Variants in SIRT7 observed in about 807,000 individuals in gnomAD.
The protein encoded by SIRT7 is NAD-dependent protein deacetylase sirtuin-7.
Under a neutral mutation model 42.8 loss-of-function variants are expected in SIRT7, and 32 were observed. The ratio of observed to expected loss-of-function variants is 0.75; its 90% confidence interval spans 0.56 to 1.00. The LOEUF is 1.00. Among genes scored for constraint, SIRT7 ranks in the 50% least tolerant of loss-of-function variants. The pLI is 0.00. For missense variants in SIRT7, 553 were observed against 572.2 expected (o/e 0.97, Z 0.34); for synonymous variants, 297 against 245.2 (o/e 1.21, Z -1.97).
Position 81,913,764 on chromosome 17 carries a change from G to A in SIRT7, c.1004+10C>T. 1 of 1,545,568 alleles carries A rather than the reference G, an allele frequency of 6.5e-7. No homozygotes were observed. The highest frequency in any genetic ancestry group is 8.7e-7 in the Non-Finnish European group (1 of 1,144,114). On this transcript the variant is annotated intron_variant, in intron 9 of 9. Transcript: ENST00000328666. The surrounding 1 kb of genome is among the most constrained non-coding windows in gnomAD (Gnocchi z 5.0). ...TGCGGGGAAGCAGGCTGCTGCAGCG[G>A]CTCACTCACCTGCTATAGGCGGGGA...
intron 8 of SIRT7, 65 bp downstream of exon 8, chr17:81,914,022 G>A (rs2040743349): frequency 6.9e-6 from 11 of 1,591,876 alleles, no homozygotes; most frequent in Non-Finnish European, 9.5e-6. Flanking sequence ...CATGGGTGTG[G>A]GGTGTCTCTG....
In SIRT7 at chr17:81,915,660, G is replaced by A. The variant is rs770215946; in HGVS notation, c.358C>T (p.Arg120Trp). The change falls in exon 4 of 10, where the codon CGG becomes TGG. Residue 120 changes from arginine (R) to tryptophan (W), a missense_variant. By Grantham distance (101) the Arg-to-Trp change is moderately radical. Transcript: ENST00000328666. ...AGTGTCCACACTCCATTAGGGCCCCGGTAGTCTGGGATAGACGCTGCCTGC... is the reference window on the plus strand; with the variant it reads ...AGTGTCCACACTCCATTAGGGCCCCAGTAGTCTGGGATAGACGCTGCCTGC... ...ISTAASIPDY[R>W]GPNGVWTLLQ... 5 of 1,613,862 alleles carry A rather than the reference G, an allele frequency of 3.1e-6. No homozygotes were observed. Among genetic ancestry groups the A allele is most frequent in the South Asian group, 1.1e-5 (1 of 91,060 alleles).
Position 81,913,748 on chromosome 17 carries a change from G to A in SIRT7, c.1004+26C>T. 3 of 1,529,112 alleles carry A rather than the reference G, an allele frequency of 2.0e-6. No homozygotes were observed. The highest frequency in any genetic ancestry group is 2.4e-5 in the South Asian group (2 of 83,600). 94.7% of individuals were successfully genotyped at this position (1,529,112 alleles called of 1,614,324 possible). On this transcript the variant is annotated intron_variant, in intron 9 of 9. Transcript: ENST00000328666. This position sits in a 1 kb window ranked among gnomAD's most constrained non-coding sequence, Gnocchi z 5.0. Reference sequence around the variant, plus strand: ...GCCCAGCACACAGAGGTGCGGGGAAGCAGGCTGCTGCAGCGGCTCACTCAC... The same window carrying A: ...GCCCAGCACACAGAGGTGCGGGGAAACAGGCTGCTGCAGCGGCTCACTCAC...
chr17:81,917,785 T>G lies in SIRT7; in HGVS notation c.231+45A>C, dbSNP rs1398172420. 2.1e-6 allele frequency: 3 copies of G among 1,424,648 alleles called. No homozygotes were observed. The African/African-American group carries it at 4.5e-5, about 21-fold the overall frequency. The allele number at this position is 1,424,648 out of a possible 1,614,324, so 88.3% of individuals were successfully genotyped here. ...ACCCGGGACCGCCCGTCGCCCCAGC[T>G]GCTCCCGAAACCGGGGGCGCCCGCG... On this transcript the variant is annotated intron_variant, in intron 2 of 9. Transcript: ENST00000328666.
Position 81,912,019 on chromosome 17 carries a change from G to C in SIRT7, c.*397C>G. On this transcript the variant is annotated 3_prime_UTR_variant, in exon 10 of 10. Transcript: ENST00000328666. Reference sequence around the variant, plus strand: ...GAGCCACCCCTCTGCCGCACATCCAGTACAGAGAGGATTCTATAAAGTTCA... The same window carrying C: ...GAGCCACCCCTCTGCCGCACATCCACTACAGAGAGGATTCTATAAAGTTCA... 1 of 310,270 alleles carries C rather than the reference G, an allele frequency of 3.2e-6. No homozygotes were observed. The highest frequency in any genetic ancestry group is 2.7e-5 in the South Asian group (1 of 36,606). 19.2% of individuals were successfully genotyped at this position (310,270 alleles called of 1,614,324 possible).
rs137910549 is a variant in SIRT7 at position 81,915,241 on chromosome 17, G to T, written c.480+199C>A. The T allele has an allele frequency of 3.7e-3, 2,291 of 611,680 alleles. 35 individuals are homozygous for T. The African/African-American group carries it at 0.038, about 10-fold the overall frequency. 37.9% of individuals were successfully genotyped at this position (611,680 alleles called of 1,614,324 possible). On this transcript the variant is annotated intron_variant, in intron 5 of 9. Coordinates refer to ENST00000328666, the MANE Select transcript of SIRT7 (RefSeq NM_016538.3). ...TGAGGCTGAGGCTGGCTGCGGATGG[G>T]ATGGTTCAGAGGGGGAGCTCCCCTT...
rs760453557 is a variant in SIRT7 at position 81,913,103 on chromosome 17, T to G, written c.1005-489A>C. 1.4e-5 allele frequency: 5 copies of G among 355,930 alleles called. No homozygotes were observed. Among genetic ancestry groups the G allele is most frequent in the Non-Finnish European group, 2.7e-5 (5 of 183,334 alleles). The allele number at this position is 355,930 out of a possible 1,614,324, so 22.0% of individuals were successfully genotyped here. ...AGATGCAGAACCACAGATCATAACT[T>G]AAGATACAGATACGCACTGATAAGG... is the stretch of plus-strand genomic sequence containing the variant. On this transcript the variant is annotated intron_variant, in intron 9 of 9. Transcript: ENST00000328666. This position sits in a 1 kb window ranked among gnomAD's most constrained non-coding sequence, Gnocchi z 5.0.
chr17:81,917,919 C>A lies in SIRT7; in HGVS notation c.142G>T (p.Gly48Cys), dbSNP rs1430406166. The change falls in exon 2 of 10, where the codon GGC becomes TGC. Residue 48 changes from glycine (G) to cysteine (C), a missense_variant. Physicochemically the swap from Gly to Cys is radical, Grantham distance 159 (BLOSUM62 -3). Transcript: ENST00000328666. ...TCCGCGCTCTCGGCCAGCAGCCGGC[C>A]CTCCTCGGCGCTGCGCTCCGCCGCC... ...KAAAERSAEEGRLLAESADLV... is the reference protein window; with the variant it reads ...KAAAERSAEECRLLAESADLV... 1 of 1,414,686 alleles carries A rather than the reference C, an allele frequency of 7.1e-7. No homozygotes were observed. The highest frequency in any genetic ancestry group is 9.2e-7 in the Non-Finnish European group (1 of 1,085,470). The allele number at this position is 1,414,686 out of a possible 1,614,324, so 87.6% of individuals were successfully genotyped here. A position where few individuals can be genotyped will look rare whatever the true frequency, so the allele number is the denominator to read the frequency against.
rs201850684 is a variant in SIRT7, at chr17:81,912,550, G to A, written c.1069C>T (p.Arg357Trp). 4 of 1,613,682 alleles carry A rather than the reference G, an allele frequency of 2.5e-6. No homozygotes were observed. Among genetic ancestry groups the A allele is most frequent in the Non-Finnish European group, 3.4e-6 (4 of 1,180,000 alleles). Reference sequence around the variant, plus strand: ...TCTCTGCTTCTGCACAGCGACTTCCGACTGTGGCTGCCTTCTTCACCAGCA... The same window carrying A: ...TCTCTGCTTCTGCACAGCGACTTCCAACTGTGGCTGCCTTCTTCACCAGCA... ...LRAGEEGSHS[R>W]KSLCRSREEA... is the part of the protein sequence containing the mutation. Residue 357 changes from arginine to tryptophan, a missense_variant, in exon 10 of 10, where the codon CGG (arginine) becomes TGG (tryptophan). Physicochemically the swap from Arg to Trp is moderately radical, Grantham distance 101. Coordinates refer to ENST00000328666, the MANE Select transcript of SIRT7 (RefSeq NM_016538.3).
intron 3 of SIRT7, chr17:81,916,616 G>A (rs34104890): frequency 0.88 from 133,524 of 151,978 alleles, 60,667 homozygotes; most frequent in Non-Finnish European, 1. Context: ...GCAGGTGCCC[G>A]CCACCATGCC....
chr17:81,912,579 A>G lies in SIRT7; in HGVS notation c.1040T>C (p.Leu347Pro), dbSNP rs893512619. 6.2e-7 allele frequency: 1 copy of G among 1,613,558 alleles called. No individual in the cohort carries two copies. The highest frequency in any genetic ancestry group is 8.5e-7 in the Non-Finnish European group (1 of 1,179,988). ...GTGGCTGCCTTCTTCACCAGCACGCAGGGGAGTCGCCAGTGAGAAAATGGG... is the reference window on the plus strand; with the variant it reads ...GTGGCTGCCTTCTTCACCAGCACGCGGGGGAGTCGCCAGTGAGAAAATGGG... The part of the protein sequence containing the change: ...QDPIFSLATP[L>P]RAGEEGSHSR... Residue 347 changes from leucine to proline, a missense_variant, in exon 10 of 10, where the codon CTG becomes CCG. Transcript: ENST00000328666.
intron 5 of SIRT7, chr17:81,915,046 T>A: frequency 4.1e-6 from 2 of 483,268 alleles, no homozygotes; most frequent in Non-Finnish European, 7.6e-6. Context: ...GTCATGACAT[T>A]TCAGGTCCCT....
rs1879569 is a variant in SIRT7, at chr17:81,914,365, A to G, written c.745T>C (p.Leu249=). The G allele has an allele frequency of 1, 1,608,574 of 1,612,990 alleles. 802,196 individuals carry two copies. Among genetic ancestry groups the G allele is most frequent in the East Asian group, 1 (44,864 of 44,864 alleles). ...GCCTCGGTCGCCGCTTCCCAGTTCAAAGGCTGCCCCAACGTCCCCCTCTCC... is the reference window on the plus strand; with the variant it reads ...GCCTCGGTCGCCGCTTCCCAGTTCAGAGGCTGCCCCAACGTCCCCCTCTCC... ...FGERGTLGQP[L]NWEAATEAAS... is the part of the protein sequence containing the mutation. The change falls in exon 7 of 10, where the codon TTG becomes CTG. Residue 249 remains leucine (L), a synonymous_variant. Coordinates refer to ENST00000328666, the MANE Select transcript of SIRT7 (RefSeq NM_016538.3).
At position 81,912,491 on chromosome 17, in the gene SIRT7, A is replaced by G. The variant is rs748325161; in HGVS notation, c.1128T>C (p.Leu376=). 6.2e-7 allele frequency: 1 copy of G among 1,613,936 alleles called. No individual in the cohort carries two copies. The highest frequency in any genetic ancestry group is 1.1e-5 in the South Asian group (1 of 91,078). Residue 376 remains leucine, a synonymous_variant, in exon 10 of 10, where the codon CTT becomes CTC. Coordinates refer to ENST00000328666, the MANE Select transcript of SIRT7 (RefSeq NM_016538.3). The stretch of plus-strand genomic sequence containing the variant: ...AGCCCCCTAGGATGGGGGCCGAGCT[A>G]AGCGGTGCACCCCGGTCCCCAGGCG... The part of the protein sequence containing the change: ...EAPPGDRGAP[L]SSAPILGGWF...
chr17:81,917,686 C>G lies in SIRT7; in HGVS notation c.265G>C (p.Val89Leu). Residue 89 changes from valine to leucine, a missense_variant, in exon 3 of 10, where the codon GTC (valine) becomes CTC (leucine). By Grantham distance (32) the Val-to-Leu change is conservative. Transcript: ENST00000328666. ...CDDPEELRGK[V>L]RELASAVRNA... is the part of the protein sequence containing the mutation. ...CGGACGGCGCTGGCCAGCTCCCGGACCTTCCCCCGCAGCTCCTCCGGGTCG... is the reference window on the plus strand; with the variant it reads ...CGGACGGCGCTGGCCAGCTCCCGGAGCTTCCCCCGCAGCTCCTCCGGGTCG... The G allele has an allele frequency of 6.2e-7, 1 of 1,605,072 alleles. No individual in the cohort carries two copies. Among genetic ancestry groups the G allele is most frequent in the Non-Finnish European group, 8.5e-7 (1 of 1,176,642 alleles).
rs112199738 is a variant in SIRT7, at chr17:81,915,594, A to G, written c.407+17T>C. On this transcript the variant is annotated intron_variant, in intron 4 of 9. Coordinates refer to ENST00000328666, the MANE Select transcript of SIRT7 (RefSeq NM_016538.3). ...CGCTGCCCAGCCTATGTGGGAGGCC[A>G]TGCCTGGCCCGCTTACCTAACGCTT... The G allele has an allele frequency of 0.012, 19,282 of 1,613,598 alleles. 1,989 individuals are homozygous for G. The African/African-American group carries it at 0.22, about 19-fold the overall frequency.
intron 3 of SIRT7, 108 bp from the exon 4 acceptor site, chr17:81,915,789 G>T: frequency 1.6e-6 from 2 of 1,271,042 alleles, no homozygotes; most frequent in Non-Finnish European, 1.1e-6. Flanking sequence ...TTCCGGGCTG[G>T]CCTGCATGTT....
At chr17:81,916,633 A>G (rs1233353696) in intron 3 of SIRT7, 1 of 151,808 alleles carries the variant, frequency 6.6e-6, no homozygotes, top group Non-Finnish European at 1.5e-5. Context: ...TGCCCGACTA[A>G]TTTTTGTATT....
In SIRT7 at chr17:81,914,324, G is replaced by A; in HGVS notation, c.786C>T (p.Asp262=). 6.2e-7 allele frequency: 1 copy of A among 1,613,106 alleles called. No homozygotes were observed. The highest frequency in any genetic ancestry group is 8.5e-7 in the Non-Finnish European group (1 of 1,180,026). Residue 262 remains aspartate (D), a synonymous_variant, in exon 7 of 10, where the codon GAC becomes GAT. Coordinates refer to ENST00000328666, the MANE Select transcript of SIRT7 (RefSeq NM_016538.3). Reference sequence around the variant, plus strand: ...GGCTGGACCCTAGACACAGGATGGTGTCTGCTCTGCTGGCAGCCTCGGTCG... The same window carrying A: ...GGCTGGACCCTAGACACAGGATGGTATCTGCTCTGCTGGCAGCCTCGGTCG... The part of the protein sequence containing the change: ...EAATEAASRA[D]TILCLGSSLK...
Sources: allele counts gnomAD v4.1 joint callset, GRCh38; gene constraint gnomAD v4.1.1; non-coding constraint Gnocchi (gnomAD v3.1); transcripts MANE v1.5; gene names NCBI Gene and HGNC (gene_info 2026-07-23, HGNC 2026-07-21).